Variants in PCDHGA9 observed in about 807,000 individuals in gnomAD.
PCDHGA9 encodes protocadherin gamma subfamily A, 9.
Under a neutral mutation model 62.5 loss-of-function variants are expected in PCDHGA9, and 37 were observed. The ratio of observed to expected loss-of-function variants is 0.59; its 90% CI spans 0.46 to 0.78. The LOEUF (loss-of-function observed/expected upper bound fraction) is 0.78, where lower values mean the gene tolerates loss of function less well. Ranked by LOEUF, PCDHGA9 falls within the 30% of genes least tolerant of loss-of-function variation. The pLI is 0.00. For missense variants in PCDHGA9, 1,138 were observed against 1,166.2 expected (o/e 0.98, Z 0.35); for synonymous variants, 459 against 484.6 (o/e 0.95, Z 0.69).
intron 1 of PCDHGA9, chr5:141,413,229 C>T (rs200934469): frequency 6.2e-7 from 1 of 1,613,914 alleles, no homozygotes; most frequent in African/African-American, 1.3e-5. Context: ...GCGGGCTGGT[C>T]CTGCTCTGCC....
intron 1 of PCDHGA9, among the ~76,000 whole-genome samples, chr5:141,453,135 A>G (rs932061368): frequency 6.6e-6 from 1 of 151,778 alleles, no homozygotes; most frequent in Non-Finnish European, 1.5e-5. Context: ...TGTTTTTGAG[A>G]TAGGGTCTCG....
rs1360124362 is a variant in PCDHGA9 at position 141,489,688 on chromosome 5, G to A, written c.2425-5119G>A. On this transcript the variant is annotated intron_variant, in intron 1 of 3. Coordinates refer to ENST00000573521, the MANE Select transcript of PCDHGA9 (RefSeq NM_018921.3). This position sits in a 1 kb window ranked among gnomAD's most constrained non-coding sequence, Gnocchi z 4.5. The stretch of plus-strand genomic sequence containing the variant: ...CATCTCAGAATCAGCAGCATCTGGG[G>A]CACGATTCCCACTGGACAGTGCCCA... 6.2e-7 allele frequency: 1 copy of A among 1,614,150 alleles called. No homozygotes were observed. Among genetic ancestry groups the A allele is most frequent in the Non-Finnish European group, 8.5e-7 (1 of 1,180,012 alleles).
intron 1 of PCDHGA9, chr5:141,415,347 C>T (rs1369709460): frequency 1.9e-6 from 3 of 1,614,120 alleles, no homozygotes; most frequent in Non-Finnish European, 2.5e-6. Context: ...GGCGCTGGCA[C>T]AAGTCACGCC....
chr5:141,408,933 G>C, intron 1 of PCDHGA9: 1 of 1,613,550 alleles, frequency 6.2e-7, no homozygotes, highest in South Asian at 1.1e-5. Context: ...GTTTTCAGCA[G>C]AGACGAATAT....
chr5:141,403,123 G>A lies in PCDHGA9; in HGVS notation c.171G>A (p.Arg57=). The stretch of plus-strand genomic sequence containing the variant: ...CCAAGGACCTGGCTCTGGAGCCCCG[G>A]GAGCTGGCGGAGCGCCGAGTCCGCA... ...NISKDLALEP[R]ELAERRVRIV... Residue 57 remains arginine, a synonymous_variant, in exon 1 of 4, where the codon CGG becomes CGA. Transcript: ENST00000573521. 6.2e-7 allele frequency: 1 copy of A among 1,614,066 alleles called. No homozygotes were observed. The highest frequency in any genetic ancestry group is 8.5e-7 in the Non-Finnish European group (1 of 1,179,908).
rs2099170089 is a variant in PCDHGA9, at chr5:141,468,602, C to T, written c.2425-26205C>T. On this transcript the variant is annotated intron_variant, in intron 1 of 3. Coordinates refer to ENST00000573521, the MANE Select transcript of PCDHGA9 (RefSeq NM_018921.3). ...GTACTAAAGGCTGGGCGCGGTGGCT[C>T]ACGCCTGTAATCCCAGCACTTTGGG... The T allele has an allele frequency of 2.6e-5, 4 of 152,284 alleles. No individual in the cohort carries two copies. The South Asian group carries it at 8.3e-4, about 32-fold the overall frequency. 9.4% of individuals were successfully genotyped at this position (152,284 alleles called of 1,614,324 possible).
At chr5:141,428,197 G>C in intron 1 of PCDHGA9, 3 of 1,385,972 alleles carry the variant, frequency 2.2e-6, no homozygotes, top group Non-Finnish European at 3.0e-6. Flanking sequence ...CGCTCTCTGC[G>C]CCGCTACGCT....
intron 3 of PCDHGA9, 134 bp downstream of exon 3, chr5:141,505,615 C>T: frequency 2.0e-6 from 3 of 1,504,946 alleles, no homozygotes; most frequent in Non-Finnish European, 1.8e-6. Flanking sequence ...TCTGAAAGGA[C>T]CCACAATTCC....
At chr5:141,445,268 C>A (rs2098461653) in intron 1 of PCDHGA9, among the ~76,000 whole-genome samples, 1 of 152,170 alleles carries the variant, frequency 6.6e-6, no homozygotes, top group Non-Finnish European at 1.5e-5. Flanking sequence ...TAAGTCGAAA[C>A]CACTCTGCAT....
chr5:141,507,846 T>G (rs892503210), intron 3 of PCDHGA9, among the ~76,000 whole-genome samples: 1 of 152,134 alleles, frequency 6.6e-6, no homozygotes, highest in African/African-American at 2.4e-5. Context: ...CAGGCCCTGC[T>G]CTCACTTTCA....
chr5:141,486,337 C>T lies in PCDHGA9; in HGVS notation c.2425-8470C>T, dbSNP rs116799150. On this transcript the variant is annotated intron_variant, in intron 1 of 3. Coordinates refer to ENST00000573521, the MANE Select transcript of PCDHGA9 (RefSeq NM_018921.3). The surrounding 1 kb of genome is among the most constrained non-coding windows in gnomAD (Gnocchi z 5.0). ...GGTCAAACGGAGATGTGAGCCTCCG[C>T]ATTCCTGACCACTTGCCATTTGCCC... 1 of 1,614,076 alleles carries T rather than the reference C, an allele frequency of 6.2e-7. No homozygotes were observed. Among genetic ancestry groups the T allele is most frequent in the Non-Finnish European group, 8.5e-7 (1 of 1,179,966 alleles).
Position 141,490,732 on chromosome 5 carries a change from G to A in PCDHGA9, c.2425-4075G>A, listed in dbSNP as rs775388969. 6.2e-6 allele frequency: 10 copies of A among 1,614,188 alleles called. No homozygotes were observed. The highest frequency in any genetic ancestry group is 8.5e-6 in the Non-Finnish European group (10 of 1,180,042). ...CACCTACTCCATTGTAGGAAATCAG[G>A]TTCAGGGAGCCCCAGCCTCCTCCTT... On this transcript the variant is annotated intron_variant, in intron 1 of 3. Transcript: ENST00000573521. This position sits in a 1 kb window ranked among gnomAD's most constrained non-coding sequence, Gnocchi z 5.4.
intron 1 of PCDHGA9, chr5:141,414,409 A>G: frequency 1.2e-6 from 2 of 1,613,870 alleles, no homozygotes; most frequent in Non-Finnish European, 8.5e-7. Flanking sequence ...GGTGATACAC[A>G]GAGCCCTTGA....
At chr5:141,424,215 G>T in intron 1 of PCDHGA9, 1 of 167,104 alleles carries the variant, frequency 6.0e-6, no homozygotes. Flanking sequence ...TTTTCTCTGA[G>T]CAATTTTATT....
At chr5:141,499,356 C>A (rs1472104991) in intron 2 of PCDHGA9, among the ~76,000 whole-genome samples, 1 of 152,062 alleles carries the variant, frequency 6.6e-6, no homozygotes, top group Non-Finnish European at 1.5e-5. Context: ...ATTCAACAAA[C>A]AAATAGCAAC....
intron 1 of PCDHGA9, chr5:141,410,428 C>A (rs376561050): frequency 5.0e-6 from 8 of 1,613,906 alleles, no homozygotes; most frequent in African/African-American, 1.3e-5. Flanking sequence ...TTCCCCCCAA[C>A]TACAGTGAGG....
At chr5:141,484,789 A>T (rs1215899787) in intron 1 of PCDHGA9, among the ~76,000 whole-genome samples, 1 of 152,132 alleles carries the variant, frequency 6.6e-6, no homozygotes, top group Non-Finnish European at 1.5e-5. Flanking sequence ...CCACAGAGAT[A>T]ACAACCCGTG....
At chr5:141,501,016 G>A (rs1042009106) in intron 2 of PCDHGA9, among the ~76,000 whole-genome samples, 7 of 151,716 alleles carry the variant, frequency 4.6e-5, no homozygotes, top group Non-Finnish European at 1.0e-4. Context: ...CTACAGGCAC[G>A]CGCCACCACG....
chr5:141,429,169 TACACACACACACACACACAC>T (rs10667977), intron 1 of PCDHGA9: 4 of 145,394 alleles, frequency 2.8e-5, no homozygotes, highest in Non-Finnish European at 6.0e-5. Flanking sequence ...ACATTGTTTA[TACACACACACACACACACAC>T]ACACACACAC....
Sources: gnomAD v4.1 joint callset for allele counts (sites outside exome capture counted in the v4.1 genomes callset) on GRCh38, gnomAD v4.1.1 for gene constraint, Gnocchi (gnomAD v3.1) non-coding constraint, MANE v1.5 for transcripts, NCBI Gene and HGNC (gene_info 2026-07-23, HGNC 2026-07-21) for gene names.